Variants in TNR observed in about 807,000 individuals in gnomAD.
TNR encodes the protein tenascin-R.
Under a neutral mutation model 150.4 loss-of-function variants are expected in TNR, and 45 were observed. The ratio of observed to expected loss-of-function variants is 0.30; its 90% CI spans 0.24 to 0.38. The LOEUF (loss-of-function observed/expected upper bound fraction) is 0.38. Ranked by LOEUF, TNR falls within the 10% of genes least tolerant of loss-of-function variation. TNR has a pLI of 1.00. For synonymous variants in TNR, 687 were observed against 678.4 expected (o/e 1.01, Z -0.20); for missense variants, 1,544 against 1,759.1 (o/e 0.88, Z 2.19).
intron 1 of TNR, among the ~76,000 whole-genome samples, chr1:175,659,290 C>A (rs1665288551): frequency 6.6e-6 from 1 of 152,204 alleles, no homozygotes; most frequent in Non-Finnish European, 1.5e-5. Context: ...TGGATCAGAA[C>A]CCAACTGAAA....
At chr1:175,338,564 T>C (rs1300922360) in intron 18 of TNR, among the ~76,000 whole-genome samples, 1 of 152,196 alleles carries the variant, frequency 6.6e-6, no homozygotes, top group Non-Finnish European at 1.5e-5. Context: ...CTGTAAATAG[T>C]ATGATCTTCT....
chr1:175,362,891 C>T, intron 13 of TNR, 82 bp from the exon 14 acceptor site: 2 of 1,552,164 alleles, frequency 1.3e-6, no homozygotes, highest in Non-Finnish European at 1.8e-6. Context: ...GTCAATAAAG[C>T]ACAGATGGGT....
chr1:175,329,930 G>A, intron 21 of TNR, 144 bp downstream of exon 21: 1 of 936,878 alleles, frequency 1.1e-6, no homozygotes, highest in Non-Finnish European at 1.5e-6. Flanking sequence ...GGTTCCCAGT[G>A]GCATGGCCCT....
intron 22 of TNR, among the ~76,000 whole-genome samples, chr1:175,323,959 C>T (rs1649214023): frequency 6.6e-6 from 1 of 152,112 alleles, no homozygotes. Flanking sequence ...TGGTGGTCTC[C>T]CTGTCACCCA....
At position 175,643,082 on chromosome 1, in the gene TNR, G is replaced by T. The variant is rs186220186; in HGVS notation, c.-165+100144C>A. 1.1e-4 allele frequency among the ~76,000 whole-genome samples: 16 copies of T among 152,302 alleles called. No individual in the cohort carries two copies. The East Asian group carries it at 2.5e-3, about 24-fold the overall frequency. On this transcript the variant is annotated intron_variant, in intron 1 of 22. Transcript: ENST00000367674. ...GAATTTTATAATCTATTGGGTGAGAGGTGAAGGAAACAATGATGTTTCTCT... is the reference window on the plus strand; with the variant it reads ...GAATTTTATAATCTATTGGGTGAGATGTGAAGGAAACAATGATGTTTCTCT...
At chr1:175,339,807 A>G (rs573040650) in intron 18 of TNR, among the ~76,000 whole-genome samples, 85 of 152,300 alleles carry the variant, frequency 5.6e-4, no homozygotes, top group African/African-American at 1.9e-3. Context: ...CTCCCCACAA[A>G]TCTCAAAATG....
At chr1:175,667,041 C>T (rs1665550718) in intron 1 of TNR, among the ~76,000 whole-genome samples, 1 of 152,198 alleles carries the variant, frequency 6.6e-6, no homozygotes, top group Non-Finnish European at 1.5e-5. Context: ...GAATGAGCCA[C>T]CATACCCAGC....
At chr1:175,661,219 C>T (rs1185045367) in intron 1 of TNR, among the ~76,000 whole-genome samples, 6 of 152,198 alleles carry the variant, frequency 3.9e-5, no homozygotes, top group African/African-American at 1.2e-4. Flanking sequence ...GAGCCACCCT[C>T]GCTGAGGCAC....
chr1:175,551,513 T>G (rs1350261157), intron 1 of TNR, among the ~76,000 whole-genome samples: 1 of 151,798 alleles, frequency 6.6e-6, no homozygotes, highest in South Asian at 2.1e-4. Flanking sequence ...GTGAAGGGAG[T>G]TTCAGAAGGC....
At chr1:175,724,690 AT>A (rs1207234635) in intron 1 of TNR, among the ~76,000 whole-genome samples, 1 of 152,174 alleles carries the variant, frequency 6.6e-6, no homozygotes, top group Non-Finnish European at 1.5e-5. Context: ...CATGTTTTAC[AT>A]TTCACAATTT....
intron 1 of TNR, among the ~76,000 whole-genome samples, chr1:175,694,366 A>G (rs970338311): frequency 2.0e-5 from 3 of 152,216 alleles, no homozygotes; most frequent in African/African-American, 7.2e-5. Flanking sequence ...TCCAAGCATC[A>G]TCACGGACCT....
chr1:175,342,086 G>T (rs570692882), intron 18 of TNR, among the ~76,000 whole-genome samples: 22 of 152,146 alleles, frequency 1.4e-4, no homozygotes, highest in Non-Finnish European at 2.9e-4. Context: ...CTAAATACTG[G>T]GCTAAAAGAT....
intron 1 of TNR, among the ~76,000 whole-genome samples, chr1:175,669,738 G>A (rs1170712138): frequency 6.6e-6 from 1 of 152,218 alleles, no homozygotes; most frequent in Non-Finnish European, 1.5e-5. Context: ...GCTGCAGGGA[G>A]AGGGCTTTTC....
intron 2 of TNR, among the ~76,000 whole-genome samples, chr1:175,466,381 T>A (rs1260813535): frequency 6.6e-6 from 1 of 152,190 alleles, no homozygotes; most frequent in African/African-American, 2.4e-5. Flanking sequence ...GTTCTAGATA[T>A]GTAGAACTCA....
At chr1:175,492,261 G>C (rs1658292742) in intron 2 of TNR, among the ~76,000 whole-genome samples, 2 of 152,222 alleles carry the variant, frequency 1.3e-5, no homozygotes, top group Non-Finnish European at 2.9e-5. Flanking sequence ...TCATTTATGA[G>C]AGCCATTTAG....
intron 2 of TNR, among the ~76,000 whole-genome samples, chr1:175,443,301 C>T (rs1655878346): frequency 6.6e-6 from 1 of 152,124 alleles, no homozygotes; most frequent in Non-Finnish European, 1.5e-5. Context: ...GAATTTCCTC[C>T]TCTGAATGGT....
intron 18 of TNR, among the ~76,000 whole-genome samples, chr1:175,345,129 A>AAAC (rs1417646253): frequency 6.6e-6 from 1 of 152,070 alleles, no homozygotes; most frequent in Non-Finnish European, 1.5e-5. Context: ...AAACAAAACA[A>AAAC]AACAACAACA....
At chr1:175,509,603 C>T (rs1045046877) in intron 2 of TNR, among the ~76,000 whole-genome samples, 1 of 152,168 alleles carries the variant, frequency 6.6e-6, no homozygotes, top group Non-Finnish European at 1.5e-5. Flanking sequence ...ATGCTTGACA[C>T]TAGTGTTGAG....
chr1:175,675,352 G>A (rs1399756786), intron 1 of TNR, among the ~76,000 whole-genome samples: 1 of 152,190 alleles, frequency 6.6e-6, no homozygotes, highest in Admixed American at 6.5e-5. Flanking sequence ...CAGAGCCAGT[G>A]GGCCCCGTAA....
Sources: allele counts gnomAD v4.1 joint callset (sites outside exome capture counted in the v4.1 genomes callset), GRCh38; gene constraint gnomAD v4.1.1; transcripts MANE v1.5; gene names NCBI Gene and HGNC (gene_info 2026-07-23, HGNC 2026-07-21).